The following SAMD8 variants were observed in gnomAD, a reference collection of about 807,000 sequenced individuals.
SAMD8 encodes sphingomyelin synthase-related protein 1.
A neutral mutation model predicts 42.0 loss-of-function variants in SAMD8; 20 were observed. That is an observed-to-expected ratio of 0.48 (90% CI 0.34 to 0.69). SAMD8 has a LOEUF of 0.69. Ranked by LOEUF, SAMD8 falls within the 30% of genes least tolerant of loss-of-function variation. SAMD8 has a pLI of 0.01. For missense variants in SAMD8, 328 were observed against 511.6 expected, an observed-to-expected ratio of 0.64 and a Z score of 3.46; for synonymous variants, 162 against 173.0, an observed-to-expected ratio of 0.94 and a Z score of 0.50.
chr10:75,107,972 G>A (rs1213860980), upstream of SAMD8: 1 of 1,599,606 alleles, frequency 6.3e-7, no homozygotes, highest in East Asian at 2.3e-5. Flanking sequence ...TGGGATATGG[G>A]CTTGGACCCC....
upstream of SAMD8, among the ~76,000 whole-genome samples, chr10:75,110,296 A>G (rs1049365932): frequency 3.3e-5 from 5 of 152,186 alleles, no homozygotes; most frequent in Non-Finnish European, 7.3e-5. Flanking sequence ...CTCTGCCTAT[A>G]AGGGCTTTGG....
At chr10:75,099,808 C>G (rs1848025381) in intron 1 of SAMD8, 1 of 180,396 alleles carries the variant, frequency 5.5e-6, no homozygotes, top group African/African-American at 2.3e-5. Flanking sequence ...TGGCCACGAG[C>G]AAGTCTTTGC....
In SAMD8 at chr10:75,178,583, G is replaced by A. The variant is rs527741624; in HGVS notation, c.*1891G>A. ...GGCAACATTAATGCTAAAATGTTAA[G>A]CCGAGTGCAGTGGTGCAAGGCTATA... is the stretch of plus-strand genomic sequence containing the variant. On this transcript the variant is annotated 3_prime_UTR_variant, in exon 6 of 6. Transcript: ENST00000542569. The A allele has an allele frequency of 6.6e-6, 1 of 152,330 alleles. No homozygotes were observed. Among genetic ancestry groups the A allele is most frequent in the Admixed American group, 6.5e-5 (1 of 15,292 alleles). The allele number at this position is 152,330 out of a possible 1,614,324, so 9.4% of individuals were successfully genotyped here.
chr10:75,131,026 A>G (rs1293824050), intron 1 of SAMD8, among the ~76,000 whole-genome samples: 1 of 152,230 alleles, frequency 6.6e-6, no homozygotes, highest in East Asian at 1.9e-4. Context: ...GGTAGAAAAT[A>G]TAAAACAGAA....
intron 1 of SAMD8, among the ~76,000 whole-genome samples, chr10:75,150,036 G>C (rs190384067): frequency 6.6e-6 from 1 of 151,458 alleles, no homozygotes; most frequent in Non-Finnish European, 1.5e-5. Context: ...TCTGGGGTGC[G>C]TGTGTGTATA....
chr10:75,104,191 A>G (rs993186098), intron 1 of SAMD8: 3 of 872,614 alleles, frequency 3.4e-6, no homozygotes, highest in Non-Finnish European at 3.2e-6. Context: ...TGTCACCTAA[A>G]CCTGCTTCTG....
At chr10:75,131,633 ATAAG>A (rs1275257314) in intron 1 of SAMD8, among the ~76,000 whole-genome samples, 1 of 152,196 alleles carries the variant, frequency 6.6e-6, no homozygotes, top group Non-Finnish European at 1.5e-5. Context: ...AATTAAAGAA[ATAAG>A]TGAGTCTCCA....
At chr10:75,125,877 C>T (rs773296098) in intron 1 of SAMD8, 2 of 152,058 alleles carry the variant, frequency 1.3e-5, no homozygotes, top group Admixed American at 1.3e-4. Context: ...TATAAGGAGC[C>T]GACTCCTTAA....
chr10:75,166,785 G>A (rs1840691837), intron 3 of SAMD8, among the ~76,000 whole-genome samples: 1 of 152,208 alleles, frequency 6.6e-6, no homozygotes, highest in South Asian at 2.1e-4. Context: ...CAAAACTGGA[G>A]TTTACCTTAC....
upstream of SAMD8, chr10:75,108,197 G>C: frequency 6.2e-7 from 1 of 1,604,844 alleles, no homozygotes; most frequent in Non-Finnish European, 8.5e-7. Context: ...CAAAGCGGTT[G>C]TTTGCCGTGG....
chr10:75,144,405 C>T (rs938345158), intron 1 of SAMD8, among the ~76,000 whole-genome samples: 1 of 150,118 alleles, frequency 6.7e-6, no homozygotes, highest in Non-Finnish European at 1.5e-5. Flanking sequence ...GACTCATTCT[C>T]CCTGCTCCCA....
chr10:75,106,064 G>C (rs1043345893), intron 1 of SAMD8, among the ~76,000 whole-genome samples: 36 of 151,714 alleles, frequency 2.4e-4, no homozygotes, highest in Non-Finnish European at 4.4e-5. Context: ...CTACCCTTGG[G>C]ATAGGGTCCG....
Position 75,176,718 on chromosome 10 carries a change from A to T in SAMD8, c.*26A>T. ...ATACTATCTTTCTAATGAATTTGTG[A>T]TTAAATATATAATAGTTGTTGAAAA... On this transcript the variant is annotated 3_prime_UTR_variant, in exon 6 of 6. Coordinates refer to ENST00000542569, the MANE Select transcript of SAMD8 (RefSeq NM_001174156.2). The surrounding 1 kb of genome is among the most constrained non-coding windows in gnomAD (Gnocchi z 4.3). 1 of 1,451,770 alleles carries T rather than the reference A, an allele frequency of 6.9e-7. No individual in the cohort carries two copies. The highest frequency in any genetic ancestry group is 9.2e-7 in the Non-Finnish European group (1 of 1,085,488). The allele number at this position is 1,451,770 out of a possible 1,614,324, so 89.9% of individuals were successfully genotyped here.
At chr10:75,114,045 T>TA (rs1848825362) in intron 1 of SAMD8, among the ~76,000 whole-genome samples, 1 of 152,172 alleles carries the variant, frequency 6.6e-6, no homozygotes, top group Non-Finnish European at 1.5e-5. Flanking sequence ...ATAAAGAAAA[T>TA]CAGTTTTTGG....
upstream of SAMD8, among the ~76,000 whole-genome samples, chr10:75,107,790 T>C (rs1295545740): frequency 6.6e-6 from 1 of 152,200 alleles, no homozygotes; most frequent in Non-Finnish European, 1.5e-5. Context: ...TTGGCCAGGC[T>C]GGTCTTGAAC....
intron 1 of SAMD8, among the ~76,000 whole-genome samples, chr10:75,134,983 C>T (rs1849356411): frequency 6.6e-6 from 1 of 151,774 alleles, no homozygotes; most frequent in South Asian, 2.1e-4. Flanking sequence ...ATCACTTGAG[C>T]CCAGGGGTTT....
chr10:75,151,828 AG>A (rs1840295108), intron 2 of SAMD8, among the ~76,000 whole-genome samples: 1 of 152,172 alleles, frequency 6.6e-6, no homozygotes, highest in South Asian at 2.1e-4. Context: ...CTGGGATTAC[AG>A]GAGCCCGCCA....
At chr10:75,153,813 G>A (rs867745803) in intron 2 of SAMD8, among the ~76,000 whole-genome samples, 1 of 150,898 alleles carries the variant, frequency 6.6e-6, no homozygotes, top group African/African-American at 2.4e-5. Flanking sequence ...AGTCCAGGCT[G>A]GAGTGCAGTG....
intron 1 of SAMD8, among the ~76,000 whole-genome samples, chr10:75,146,056 G>A (rs1317196404): frequency 1.3e-5 from 2 of 152,088 alleles, no homozygotes; most frequent in South Asian, 2.1e-4. Context: ...TGTGTATCTC[G>A]TCTCCAGTAT....
Sources: allele counts gnomAD v4.1 joint callset (sites outside exome capture counted in the v4.1 genomes callset), GRCh38; gene constraint gnomAD v4.1.1; non-coding constraint Gnocchi (gnomAD v3.1); transcripts MANE v1.5; gene names NCBI Gene and HGNC (gene_info 2026-07-23, HGNC 2026-07-21).